CCDC91: variants seen among roughly 807,000 people sequenced by gnomAD.
The protein encoded by CCDC91 is coiled-coil domain containing 91.
In CCDC91, 48 loss-of-function variants were observed where a neutral mutation model predicts 63.2. The observed-to-expected ratio is 0.76, with a 90% confidence interval of 0.60 to 0.97. CCDC91 has a LOEUF of 0.97. Ranked by LOEUF, CCDC91 falls within the 50% of genes least tolerant of loss-of-function variation. The pLI is 0.00. For missense variants in CCDC91, 500 were observed against 494.6 expected (o/e 1.01, Z -0.10); for synonymous variants, 167 against 165.8 (o/e 1.01, Z -0.06).
At chr12:28,328,836 C>T (rs1397899299) in intron 6 of CCDC91, among the ~76,000 whole-genome samples, 2 of 151,600 alleles carry the variant, frequency 1.3e-5, no homozygotes, top group Admixed American at 6.6e-5. Flanking sequence ...ATAAACTGAA[C>T]ATAATCTTTC....
intron 1 of CCDC91, among the ~76,000 whole-genome samples, chr12:28,211,914 A>G (rs1943258164): frequency 6.6e-6 from 1 of 152,198 alleles, no homozygotes; most frequent in South Asian, 2.1e-4. Flanking sequence ...CAGATGTAAG[A>G]GGCCTCTAAC....
At chr12:28,430,909 A>C (rs143679262) in intron 8 of CCDC91, among the ~76,000 whole-genome samples, 13 of 152,266 alleles carry the variant, frequency 8.5e-5, no homozygotes, top group South Asian at 8.3e-4. Flanking sequence ...GTATTAGTTT[A>C]TATAGAGAAA....
chr12:28,518,078 T>G (rs1324039033), intron 12 of CCDC91, among the ~76,000 whole-genome samples: 1 of 152,054 alleles, frequency 6.6e-6, no homozygotes, highest in Non-Finnish European at 1.5e-5. Flanking sequence ...CAATTGTGAA[T>G]TGTGCTGCTA....
chr12:28,274,921 C>T (rs140681819), intron 3 of CCDC91, among the ~76,000 whole-genome samples: 7 of 151,890 alleles, frequency 4.6e-5, no homozygotes, highest in Non-Finnish European at 7.4e-5. Flanking sequence ...TTGAAACCAA[C>T]GAGAACAAAG....
chr12:28,471,659 A>G (rs912662599), intron 11 of CCDC91, among the ~76,000 whole-genome samples: 1 of 151,908 alleles, frequency 6.6e-6, no homozygotes, highest in African/African-American at 2.4e-5. Context: ...GAGAAGATAT[A>G]TACAACTAGG....
chr12:28,442,641 A>G (rs923928301), intron 8 of CCDC91, among the ~76,000 whole-genome samples: 2 of 152,126 alleles, frequency 1.3e-5, no homozygotes, highest in African/African-American at 2.4e-5. Context: ...GAGGGCATGG[A>G]TCTAGAATAC....
chr12:28,472,441 T>C (rs1210296070), intron 11 of CCDC91, among the ~76,000 whole-genome samples: 2 of 152,118 alleles, frequency 1.3e-5, no homozygotes, highest in African/African-American at 4.8e-5. Context: ...GAGAAAAAAG[T>C]TAACAATTTT....
chr12:28,375,925 CT>C (rs1319146974), intron 7 of CCDC91, among the ~76,000 whole-genome samples: 6 of 151,698 alleles, frequency 4.0e-5, no homozygotes, highest in African/African-American at 1.5e-4. Flanking sequence ...TAGCATGATC[CT>C]TTTTTGTTTT....
At chr12:28,497,098 T>C (rs1952343624) in intron 12 of CCDC91, among the ~76,000 whole-genome samples, 1 of 151,032 alleles carries the variant, frequency 6.6e-6, no homozygotes, top group African/African-American at 2.4e-5. Flanking sequence ...CCAAGTTTAC[T>C]AAAAAAAGAG....
At chr12:28,493,622 T>C (rs1488023167) in intron 12 of CCDC91, among the ~76,000 whole-genome samples, 8 of 151,732 alleles carry the variant, frequency 5.3e-5, no homozygotes, top group Non-Finnish European at 7.4e-5. Context: ...AAACATACAC[T>C]ACCTGGCTGT....
At position 28,550,024 on chromosome 12, in the gene CCDC91, T is replaced by A. The variant is rs1943225259; in HGVS notation, c.*851T>A. 1 of 152,528 alleles carries A rather than the reference T, an allele frequency of 6.6e-6. No homozygotes were observed. Among genetic ancestry groups the A allele is most frequent in the Admixed American group, 6.6e-5 (1 of 15,258 alleles). 9.4% of individuals were successfully genotyped at this position (152,528 alleles called of 1,614,324 possible). On this transcript the variant is annotated 3_prime_UTR_variant, in exon 13 of 13. Transcript: ENST00000536442. ...GGCAGGATGCTTCAATGCAAAATCA[T>A]GAATATTTTTAATTCAAAACTAAAA...
At chr12:28,534,754 C>A (rs1942017463) in intron 12 of CCDC91, among the ~76,000 whole-genome samples, 2 of 152,186 alleles carry the variant, frequency 1.3e-5, no homozygotes, top group Admixed American at 6.5e-5. Context: ...GTACTCCTAG[C>A]TCTAATGCTA....
chr12:28,356,740 A>C (rs1311088275), intron 6 of CCDC91, among the ~76,000 whole-genome samples: 1 of 152,190 alleles, frequency 6.6e-6, no homozygotes, highest in African/African-American at 2.4e-5. Context: ...TTTGCTAATT[A>C]TGTTCTATAT....
intron 6 of CCDC91, among the ~76,000 whole-genome samples, chr12:28,335,126 C>T (rs1446711679): frequency 7.2e-6 from 1 of 139,612 alleles, no homozygotes; most frequent in Non-Finnish European, 1.5e-5. Flanking sequence ...ATATTTTATA[C>T]ATATATTTAT....
At chr12:28,448,201 G>C (rs1370079759) in intron 8 of CCDC91, among the ~76,000 whole-genome samples, 1 of 152,084 alleles carries the variant, frequency 6.6e-6, no homozygotes, top group Non-Finnish European at 1.5e-5. Flanking sequence ...CTAAGTCTCA[G>C]CTGACTCATC....
At chr12:28,478,308 C>T (rs146780234) in intron 11 of CCDC91, among the ~76,000 whole-genome samples, 4,367 of 152,158 alleles carry the variant, frequency 0.029, 85 homozygotes, top group Non-Finnish European at 0.044. Flanking sequence ...AATAATGCCG[C>T]ATATCTACAA....
In CCDC91 at chr12:28,254,669, TA is replaced by T. The variant is rs559665945; in HGVS notation, c.-14-2528del. 7.2e-5 allele frequency among the ~76,000 whole-genome samples: 11 copies of T among 152,254 alleles called. No individual in the cohort carries two copies. The South Asian group carries it at 2.3e-3, about 32-fold the overall frequency. ...ATTATATGCAGAAAGATTATTGCTT[TA>T]AAAATATTTCTCTAGAATTATATGT... On this transcript the variant is annotated intron_variant, in intron 1 of 12. Transcript: ENST00000536442.
At chr12:28,383,578 G>T (rs191934105) in intron 7 of CCDC91, among the ~76,000 whole-genome samples, 4 of 152,114 alleles carry the variant, frequency 2.6e-5, no homozygotes, top group African/African-American at 9.6e-5. Flanking sequence ...ACAGAGTCTG[G>T]ATGTTGCCTA....
At chr12:28,353,099 C>A (rs1484245679) in intron 6 of CCDC91, among the ~76,000 whole-genome samples, 1 of 152,220 alleles carries the variant, frequency 6.6e-6, no homozygotes, top group Non-Finnish European at 1.5e-5. Flanking sequence ...CTTCACCTGA[C>A]ATTTTTATCT....
Sources: gnomAD v4.1 joint callset for allele counts (sites outside exome capture counted in the v4.1 genomes callset) on GRCh38, gnomAD v4.1.1 for gene constraint, MANE v1.5 for transcripts, NCBI Gene and HGNC (gene_info 2026-07-23, HGNC 2026-07-21) for gene names.